The following EIF4G3 variants were observed in gnomAD, a reference collection of about 807,000 sequenced individuals.
EIF4G3 encodes eukaryotic translation initiation factor 4 gamma 3.
EIF4G3 carries 34 observed loss-of-function variants against 186.4 expected under a neutral mutation model. The observed-to-expected ratio is 0.18, with a 90% CI of 0.14 to 0.24. EIF4G3 has a LOEUF of 0.24. Among genes scored for constraint, EIF4G3 ranks in the 10% least tolerant of loss-of-function variants. The pLI, the probability that EIF4G3 is intolerant of heterozygous loss-of-function variation, is 1.00. For synonymous variants in EIF4G3, 673 were observed against 679.5 expected (o/e 0.99, Z 0.15); for missense variants, 1,536 against 1,948.5 (o/e 0.79, Z 3.99).
intron 29 of EIF4G3, among the ~76,000 whole-genome samples, chr1:20,842,237 AG>A (rs2068870502): frequency 6.6e-6 from 1 of 152,192 alleles, no homozygotes; most frequent in Admixed American, 6.5e-5. Flanking sequence ...GTTGTTGCTG[AG>A]TCCAGTTGAG....
chr1:21,018,851 T>G (rs2089962922), intron 4 of EIF4G3, among the ~76,000 whole-genome samples: 1 of 152,072 alleles, frequency 6.6e-6, no homozygotes. Flanking sequence ...CCTGAGGCCC[T>G]TATCTGAAGC....
chr1:21,157,432 T>C (rs1051092665), intron 2 of EIF4G3, among the ~76,000 whole-genome samples: 6 of 152,000 alleles, frequency 3.9e-5, no homozygotes, highest in African/African-American at 1.5e-4. Context: ...AGTGCAGTGG[T>C]ATGATCACAA....
intron 14 of EIF4G3, among the ~76,000 whole-genome samples, chr1:20,909,658 G>A (rs904487439): frequency 2.7e-5 from 4 of 150,476 alleles, no homozygotes; most frequent in Non-Finnish European, 4.4e-5. Flanking sequence ...TTGTTTGTTT[G>A]TTTTTGTTTT....
At chr1:21,003,417 A>C (rs572697243) in intron 4 of EIF4G3, 1 of 161,522 alleles carries the variant, frequency 6.2e-6, no homozygotes, top group South Asian at 1.7e-4. Flanking sequence ...TTACCAGCTA[A>C]TGCAACACTT....
intron 2 of EIF4G3, among the ~76,000 whole-genome samples, chr1:21,141,010 T>G (rs1345547758): frequency 6.6e-6 from 1 of 152,144 alleles, no homozygotes; most frequent in African/African-American, 2.4e-5. Context: ...AATGAGAAAA[T>G]TATATTATAA....
At chr1:21,100,720 C>CA (rs1477592627) in intron 2 of EIF4G3, among the ~76,000 whole-genome samples, 9 of 149,938 alleles carry the variant, frequency 6.0e-5, no homozygotes, top group South Asian at 2.1e-4. Flanking sequence ...CCATCTCTTA[C>CA]AAAAAAAAAG....
At chr1:20,819,443 A>ATATT (rs71585785) in intron 33 of EIF4G3, among the ~76,000 whole-genome samples, 4,996 of 145,294 alleles carry the variant, frequency 0.034, 79 homozygotes, top group East Asian at 0.039. Context: ...CTGAAGTCTC[A>ATATT]TATTTATTTA....
chr1:20,851,477 G>A lies in EIF4G3; in HGVS notation c.3553C>T (p.Arg1185Cys). Residue 1185 changes from arginine to cysteine, a missense_variant and splice_region_variant, in exon 28 of 37, where the codon CGT (arginine) becomes TGT (cysteine). This residue lies in a region of EIF4G3 where 395 missense variants were observed against 498.9 expected (regional missense o/e 0.79). Coordinates refer to ENST00000602326, the MANE Select transcript of EIF4G3 (RefSeq NM_001391906.1). ...EFDSRRTLTS[R>C]GSMGREKNDK... ...TTCTTCTCCCTGCCCATACTTCCACGACTTAAAAGACAAAACAACACTTTT... is the reference window on the plus strand; with the variant it reads ...TTCTTCTCCCTGCCCATACTTCCACAACTTAAAAGACAAAACAACACTTTT... 5.0e-6 allele frequency: 8 copies of A among 1,613,886 alleles called. No homozygotes were observed. Among genetic ancestry groups the A allele is most frequent in the Non-Finnish European group, 6.8e-6 (8 of 1,179,962 alleles).
chr1:21,126,487 G>A lies in EIF4G3; in HGVS notation c.-271-37274C>T, dbSNP rs530366143. Among the ~76,000 whole-genome samples the A allele has an allele frequency of 4.0e-4, 61 of 152,042 alleles. 1 individual carries two copies. Among genetic ancestry groups the A allele is most frequent in the African/African-American group, 1.4e-3 (59 of 41,488 alleles). On this transcript the variant is annotated intron_variant, in intron 2 of 36. Transcript: ENST00000602326. ...ATCAGCCTGGGCAACACAGCAAGCC[G>A]CCATCTCTACAAAAAGTAAACAGCT... is the stretch of plus-strand genomic sequence containing the variant.
chr1:20,906,667 A>AG (rs763679866), intron 14 of EIF4G3, among the ~76,000 whole-genome samples: 2 of 152,178 alleles, frequency 1.3e-5, no homozygotes, highest in Non-Finnish European at 2.9e-5. Flanking sequence ...TGGAAAAAAA[A>AG]CAGCTACTGA....
chr1:21,127,727 CT>C (rs1343861913), intron 2 of EIF4G3, among the ~76,000 whole-genome samples: 1 of 152,180 alleles, frequency 6.6e-6, no homozygotes, highest in Non-Finnish European at 1.5e-5. Context: ...AAGAAATTAT[CT>C]CAGCTCCCCC....
chr1:20,980,395 T>C lies in EIF4G3; in HGVS notation c.432A>G (p.Gln144=), dbSNP rs1043435690. The part of the protein sequence containing the change: ...YVGPPQQYPV[Q]PPGPGPFYPG... The stretch of plus-strand genomic sequence containing the variant: ...GATAAAAAGGACCTGGCCCCGGTGG[T>C]TGAACTGGATATTGTTGGGGGGGCC... The change falls in exon 10 of 37, where the codon CAA becomes CAG. Residue 144 remains glutamine (Q), a synonymous_variant. Coordinates refer to ENST00000602326, the MANE Select transcript of EIF4G3 (RefSeq NM_001391906.1). The C allele has an allele frequency of 3.9e-6, 6 of 1,546,160 alleles. No individual in the cohort carries two copies. The highest frequency in any genetic ancestry group is 4.8e-5 in the Admixed American group (2 of 41,744).
At chr1:21,172,752 G>A (rs903545967) in intron 2 of EIF4G3, among the ~76,000 whole-genome samples, 1 of 150,844 alleles carries the variant, frequency 6.6e-6, no homozygotes, top group Non-Finnish European at 1.5e-5. Context: ...GTTTCACCGT[G>A]TTAGCCAGGA....
At chr1:21,028,434 A>G (rs1416168307) in intron 4 of EIF4G3, among the ~76,000 whole-genome samples, 2 of 152,216 alleles carry the variant, frequency 1.3e-5, no homozygotes, top group Non-Finnish European at 2.9e-5. Context: ...TATAAAACAA[A>G]TATCTACTTA....
At chr1:20,975,704 T>C (rs1021368344) in intron 10 of EIF4G3, among the ~76,000 whole-genome samples, 5 of 151,620 alleles carry the variant, frequency 3.3e-5, no homozygotes, top group African/African-American at 7.3e-5. Context: ...AAATGAGTAA[T>C]TTTTACATAC....
intron 14 of EIF4G3, among the ~76,000 whole-genome samples, chr1:20,915,457 C>T (rs547793335): frequency 7.9e-5 from 12 of 150,956 alleles, no homozygotes; most frequent in Admixed American, 3.3e-4. Flanking sequence ...ACAAACCCTC[C>T]GCCCCCGAAA....
intron 14 of EIF4G3, among the ~76,000 whole-genome samples, chr1:20,921,590 G>T (rs1238248331): frequency 1.3e-5 from 2 of 152,176 alleles, no homozygotes; most frequent in Non-Finnish European, 2.9e-5. Context: ...ATTATACCAA[G>T]ATCTGAGCTG....
intron 4 of EIF4G3, among the ~76,000 whole-genome samples, chr1:21,033,108 G>C (rs2092880527): frequency 6.6e-6 from 1 of 152,094 alleles, no homozygotes; most frequent in Admixed American, 6.5e-5. Flanking sequence ...ATGACATCAA[G>C]GTAATCACCA....
intron 4 of EIF4G3, among the ~76,000 whole-genome samples, chr1:21,046,866 G>C (rs564940334): frequency 6.6e-6 from 1 of 152,198 alleles, no homozygotes; most frequent in South Asian, 2.1e-4. Context: ...AAAAGAATTA[G>C]CAGGCAAGGA....
Sources: gnomAD v4.1 joint callset for allele counts (sites outside exome capture counted in the v4.1 genomes callset) on GRCh38, gnomAD v4.1.1 for gene constraint, gnomAD v4.1.1 regional missense constraint, MANE v1.5 for transcripts, NCBI Gene and HGNC (gene_info 2026-07-23, HGNC 2026-07-21) for gene names.